PRKCA: variants seen among roughly 807,000 people sequenced by gnomAD.
PRKCA encodes the protein protein kinase C alpha type.
PRKCA carries 27 observed loss-of-function variants against 87.0 expected under a neutral mutation model. The observed-to-expected ratio is 0.31, with a 90% CI of 0.23 to 0.43. PRKCA has a LOEUF of 0.43. Among genes scored for constraint, PRKCA ranks in the 20% least tolerant of loss-of-function variants. The pLI, the probability that PRKCA is intolerant of heterozygous loss-of-function variation, is 1.00. For missense variants in PRKCA, 518 were observed against 852.3 expected (o/e 0.61, Z 4.88); for synonymous variants, 329 against 311.1 (o/e 1.06, Z -0.61).
chr17:66,513,995 T>C (rs1285169491), intron 3 of PRKCA, among the ~76,000 whole-genome samples: 1 of 152,230 alleles, frequency 6.6e-6, no homozygotes, highest in East Asian at 1.9e-4. Flanking sequence ...CACTTATGTG[T>C]GGTTTCAGTT....
At chr17:66,675,823 C>G (rs377678404) in intron 5 of PRKCA, among the ~76,000 whole-genome samples, 1 of 152,182 alleles carries the variant, frequency 6.6e-6, no homozygotes, top group Admixed American at 6.5e-5. Context: ...TAGCCCCTAG[C>G]GATGCCAGTT....
chr17:66,696,169 T>G (rs1019748572), intron 8 of PRKCA, among the ~76,000 whole-genome samples: 1 of 152,232 alleles, frequency 6.6e-6, no homozygotes, highest in Non-Finnish European at 1.5e-5. Context: ...TATATTCCTT[T>G]CATTTGAGAA....
intron 2 of PRKCA, among the ~76,000 whole-genome samples, chr17:66,474,914 C>T (rs1261849623): frequency 6.6e-6 from 1 of 152,166 alleles, no homozygotes; most frequent in Non-Finnish European, 1.5e-5. Context: ...CCACTCAGTC[C>T]TCTCTTCTCC....
chr17:66,683,583 C>T (rs1005000156), intron 5 of PRKCA, among the ~76,000 whole-genome samples: 1 of 152,056 alleles, frequency 6.6e-6, no homozygotes, highest in African/African-American at 2.4e-5. Context: ...GCGTCCTCAC[C>T]CTCTGACTCC....
intron 2 of PRKCA, among the ~76,000 whole-genome samples, chr17:66,328,324 T>C (rs1393817553): frequency 6.6e-6 from 1 of 152,088 alleles, no homozygotes; most frequent in Non-Finnish European, 1.5e-5. Flanking sequence ...TCCTCCTACC[T>C]TGGCCTCCCA....
chr17:66,448,884 T>G (rs892588738), intron 2 of PRKCA, among the ~76,000 whole-genome samples: 1 of 152,102 alleles, frequency 6.6e-6, no homozygotes, highest in Non-Finnish European at 1.5e-5. Flanking sequence ...TAAAAGTTTT[T>G]TAAACTTATT....
At chr17:66,685,089 G>GA (rs1156265536) in intron 5 of PRKCA, among the ~76,000 whole-genome samples, 3 of 152,168 alleles carry the variant, frequency 2.0e-5, no homozygotes, top group Non-Finnish European at 4.4e-5. Flanking sequence ...CAACCCTATA[G>GA]ATTCCAGCAT....
At chr17:66,764,023 T>C (rs148529653) in intron 13 of PRKCA, among the ~76,000 whole-genome samples, 69 of 152,160 alleles carry the variant, frequency 4.5e-4, no homozygotes, top group African/African-American at 1.6e-3. Flanking sequence ...AGGCCTTCAG[T>C]ATAGAAAAAG....
At chr17:66,654,039 C>T (rs563512357) in intron 5 of PRKCA, among the ~76,000 whole-genome samples, 1 of 152,328 alleles carries the variant, frequency 6.6e-6, no homozygotes, top group Admixed American at 6.5e-5. Context: ...CACAGCAAGA[C>T]TGGGTCCTCT....
chr17:66,680,936 C>A (rs968689260), intron 5 of PRKCA, among the ~76,000 whole-genome samples: 1 of 152,090 alleles, frequency 6.6e-6, no homozygotes, highest in African/African-American at 2.4e-5. Context: ...GATTAAGAAA[C>A]CACCTGGAGG....
intron 3 of PRKCA, among the ~76,000 whole-genome samples, chr17:66,555,037 C>T (rs1968454370): frequency 6.6e-6 from 1 of 152,076 alleles, no homozygotes; most frequent in Admixed American, 6.6e-5. Flanking sequence ...GCTGCCATGC[C>T]CGGCCAAGTT....
At chr17:66,596,701 G>C (rs1455773391) in intron 3 of PRKCA, among the ~76,000 whole-genome samples, 1 of 95,828 alleles carries the variant, frequency 1.0e-5, no homozygotes, top group Non-Finnish European at 2.0e-5. Context: ...TCTAGCATTA[G>C]GTATATCTCC....
chr17:66,645,634 G>C, intron 5 of PRKCA, 123 bp downstream of exon 5: 1 of 1,390,056 alleles, frequency 7.2e-7, no homozygotes, highest in South Asian at 1.4e-5. Flanking sequence ...CAGTCGCCCT[G>C]GTGGAGCCAT....
At chr17:66,348,821 C>T (rs1436569575) in intron 2 of PRKCA, among the ~76,000 whole-genome samples, 1 of 152,136 alleles carries the variant, frequency 6.6e-6, no homozygotes. Flanking sequence ...ATGAGTCATC[C>T]ACATGTGGAT....
chr17:66,424,934 A>AT (rs1392327127), intron 2 of PRKCA, among the ~76,000 whole-genome samples: 8 of 151,316 alleles, frequency 5.3e-5, no homozygotes, highest in Admixed American at 1.3e-4. Flanking sequence ...TTGTGTGTGT[A>AT]TTTTTTTAGT....
intron 2 of PRKCA, among the ~76,000 whole-genome samples, chr17:66,312,238 T>C (rs1905121448): frequency 6.6e-6 from 1 of 152,242 alleles, no homozygotes; most frequent in Admixed American, 6.5e-5. Flanking sequence ...TGTTTCAGCC[T>C]CCCAAAGTGC....
chr17:66,302,802 C>G lies in PRKCA; in HGVS notation c.-50C>G. The stretch of plus-strand genomic sequence containing the variant: ...CCCCGCCGCCCCCGCCCACCCGGCC[C>G]TCCGCGGCCGCAGCTCCCCGGCGGA... On this transcript the variant is annotated 5_prime_UTR_variant, in exon 1 of 17. Transcript: ENST00000413366. 6.9e-7 allele frequency: 1 copy of G among 1,441,050 alleles called. No individual in the cohort carries two copies. Among genetic ancestry groups the G allele is most frequent in the Non-Finnish European group, 9.2e-7 (1 of 1,086,822 alleles). 89.3% of individuals were successfully genotyped at this position (1,441,050 alleles called of 1,614,324 possible).
intron 14 of PRKCA, among the ~76,000 whole-genome samples, chr17:66,781,876 T>G (rs200149303): frequency 0.059 from 8,475 of 143,552 alleles, 340 homozygotes; most frequent in East Asian, 0.21. Flanking sequence ...GAGATATATA[T>G]ATATATATAT....
chr17:66,496,399 T>C, intron 3 of PRKCA, 116 bp downstream of exon 3: 1 of 816,326 alleles, frequency 1.2e-6, no homozygotes, highest in Non-Finnish European at 2.0e-6. Context: ...GACTCAATTC[T>C]CATAGAGCGT....
Sources: gnomAD v4.1 joint callset for allele counts (sites outside exome capture counted in the v4.1 genomes callset) on GRCh38, gnomAD v4.1.1 for gene constraint, MANE v1.5 for transcripts, NCBI Gene and HGNC (gene_info 2026-07-23, HGNC 2026-07-21) for gene names.